CEACAM1: variants seen among roughly 807,000 people sequenced by gnomAD.
CEACAM1 encodes the protein cell adhesion molecule CEACAM1.
A neutral mutation model predicts 49.1 loss-of-function variants in CEACAM1; 31 were observed. The observed-to-expected ratio is 0.63, with a 90% confidence interval of 0.47 to 0.85. CEACAM1 has a LOEUF of 0.85. Among genes scored for constraint, CEACAM1 ranks in the 40% least tolerant of loss-of-function variants. CEACAM1 has a pLI of 0.00. For missense variants in CEACAM1, 570 were observed against 645.3 expected (o/e 0.88, Z 1.26); for synonymous variants, 244 against 247.8 (o/e 0.98, Z 0.14).
intron 4 of CEACAM1, among the ~76,000 whole-genome samples, chr19:42,519,720 C>A (rs925005366): frequency 2.6e-5 from 4 of 152,116 alleles, no homozygotes; most frequent in Admixed American, 1.3e-4. Flanking sequence ...AAGGCATGTG[C>A]CACCATGCCC....
rs1401850188 is a variant in CEACAM1 at position 42,527,625 on chromosome 19, TC to T, written c.65-226del. ...CCTTGTCATTTCTCTGGAATGCCCT[TC>T]CCCAGGGATCCGCATGGCTCCCTCC... On this transcript the variant is annotated intron_variant, in intron 1 of 8. Coordinates refer to ENST00000161559, the MANE Select transcript of CEACAM1 (RefSeq NM_001712.5). 7.1e-6 allele frequency: 4 copies of T among 564,334 alleles called. No individual in the cohort carries two copies. The African/African-American group carries it at 7.5e-5, about 11-fold the overall frequency. 35.0% of individuals were successfully genotyped at this position (564,334 alleles called of 1,614,324 possible). A position where few individuals can be genotyped will look rare whatever the true frequency, so the allele number is the denominator to read the frequency against.
chr19:42,510,951 A>G (rs1172895591), intron 7 of CEACAM1, 31 bp from the exon 8 acceptor site: 2 of 1,611,620 alleles, frequency 1.2e-6, no homozygotes, highest in East Asian at 4.5e-5. Flanking sequence ...TTAGCGATCC[A>G]TGGAAATGCA....
rs745803770 is a variant in CEACAM1 at position 42,527,186 on chromosome 19, G to A, written c.279C>T (p.Pro93=). The part of the protein sequence containing the change: ...AIGTQQATPG[P]ANSGRETIYP... ...ATATTGTCTCTCGACCGCTGTTTGC[G>A]GGCCCTGGGGTAGCTTGTTGAGTTC... The change falls in exon 2 of 9, where the codon CCC becomes CCT. Residue 93 remains proline, a synonymous_variant. Transcript: ENST00000161559. 22 of 1,614,140 alleles carry A rather than the reference G, an allele frequency of 1.4e-5. No individual in the cohort carries two copies. The highest frequency in any genetic ancestry group is 1.8e-5 in the Non-Finnish European group (21 of 1,180,028).
intron 5 of CEACAM1, among the ~76,000 whole-genome samples, chr19:42,517,924 A>G (rs2041638461): frequency 6.6e-6 from 1 of 152,226 alleles, no homozygotes; most frequent in Admixed American, 6.5e-5. Flanking sequence ...GGTGGAAGCA[A>G]CCTAACTGTC....
In CEACAM1 at chr19:42,511,505, A is replaced by C; in HGVS notation, c.1429+71T>G. The C allele has an allele frequency of 2.4e-6, 3 of 1,265,852 alleles. No individual in the cohort carries two copies. The South Asian group carries it at 3.6e-5, about 15-fold the overall frequency. 78.4% of individuals were successfully genotyped at this position (1,265,852 alleles called of 1,614,324 possible). A position where few individuals can be genotyped will look rare whatever the true frequency, so the allele number is the denominator to read the frequency against. ...AAGGGAGGGAGTGGTTTGGGAATCC[A>C]GGATTCCCTGCCAGGGGAGGGCACG... On this transcript the variant is annotated intron_variant, in intron 7 of 8. Transcript: ENST00000161559.
chr19:42,526,933 T>C, intron 2 of CEACAM1, 108 bp downstream of exon 2: 1 of 1,511,936 alleles, frequency 6.6e-7, no homozygotes, highest in African/African-American at 1.4e-5. Context: ...AACCTTAACA[T>C]GGGGTATAAT....
intron 7 of CEACAM1, chr19:42,511,197 G>T: frequency 1.7e-6 from 1 of 576,774 alleles, no homozygotes; most frequent in Non-Finnish European, 3.1e-6. Flanking sequence ...TGCTCCAGTG[G>T]CAAGGAGGGG....
intron 2 of CEACAM1, among the ~76,000 whole-genome samples, chr19:42,523,943 T>C (rs570040938): frequency 6.6e-6 from 1 of 152,244 alleles, no homozygotes; most frequent in East Asian, 1.9e-4. Context: ...TATCTGAGAG[T>C]TCTCAATTGC....
intron 5 of CEACAM1, among the ~76,000 whole-genome samples, chr19:42,513,607 C>T (rs1256655472): frequency 6.6e-6 from 1 of 151,490 alleles, no homozygotes; most frequent in Non-Finnish European, 1.5e-5. Flanking sequence ...AAAAAACAAA[C>T]AAACAAAAAC....
Position 42,512,430 on chromosome 19 carries a change from G to A in CEACAM1, c.1296C>T (p.Gly432=), listed in dbSNP as rs2041481823. Residue 432 remains glycine, a synonymous_variant, in exon 6 of 9, where the codon GGC becomes GGT. Transcript: ENST00000161559. ...ENGLSPGAIA[G]IVIGVVALVA... ...CCAGGGCCACTACTCCAATCACAAT[G>A]CCAGCAATGGCCCCAGGTGAGAGGC... 3.7e-6 allele frequency: 6 copies of A among 1,614,066 alleles called. No homozygotes were observed. Among genetic ancestry groups the A allele is most frequent in the Non-Finnish European group, 5.1e-6 (6 of 1,179,898 alleles).
intron 2 of CEACAM1, among the ~76,000 whole-genome samples, chr19:42,526,411 TG>T (rs1035616044): frequency 5.3e-5 from 8 of 152,304 alleles, no homozygotes; most frequent in Non-Finnish European, 8.8e-5. Context: ...AGTTGGCTGA[TG>T]GCCTGGGGAG....
chr19:42,514,667 T>C (rs1476188843), intron 5 of CEACAM1, among the ~76,000 whole-genome samples: 1 of 152,256 alleles, frequency 6.6e-6, no homozygotes, highest in Non-Finnish European at 1.5e-5. Flanking sequence ...TAGCTACTTT[T>C]GTGGAGTACT....
intron 2 of CEACAM1, among the ~76,000 whole-genome samples, chr19:42,522,937 C>G (rs1408091200): frequency 1.3e-5 from 2 of 152,228 alleles, no homozygotes; most frequent in Non-Finnish European, 2.9e-5. Flanking sequence ...GTGCAATGAT[C>G]TGAGGGCTCA....
intron 2 of CEACAM1, chr19:42,525,539 A>C (rs903668006): frequency 6.6e-6 from 1 of 152,146 alleles, no homozygotes; most frequent in Admixed American, 6.6e-5. Context: ...AGGCCTGAAC[A>C]TTTCTGACAC....
At chr19:42,517,901 A>G (rs2041638170) in intron 5 of CEACAM1, among the ~76,000 whole-genome samples, 10 of 152,224 alleles carry the variant, frequency 6.6e-5, no homozygotes. Context: ...AGCATTATTC[A>G]TAATAGCCAA....
In CEACAM1 at chr19:42,508,308, C is replaced by G. The variant is rs2041377753; in HGVS notation, c.*801G>C. On this transcript the variant is annotated 3_prime_UTR_variant, in exon 9 of 9. Transcript: ENST00000161559. Reference sequence around the variant, plus strand: ...CAAGTTCCTAGCAGATTGTGTTTATCAGAAGCTGGTTCCCTCCTGAAGCTA... The same window carrying G: ...CAAGTTCCTAGCAGATTGTGTTTATGAGAAGCTGGTTCCCTCCTGAAGCTA... The G allele has an allele frequency of 1.3e-5, 2 of 152,254 alleles. No homozygotes were observed. Among genetic ancestry groups the G allele is most frequent in the African/African-American group, 4.8e-5 (2 of 41,462 alleles). The allele number at this position is 152,254 out of a possible 1,614,324, so 9.4% of individuals were successfully genotyped here.
chr19:42,516,938 T>C (rs939809732), intron 5 of CEACAM1: 2 of 377,346 alleles, frequency 5.3e-6, no homozygotes, highest in Non-Finnish European at 1.0e-5. Context: ...ACAAACAAAA[T>C]CCAAAAGCTA....
chr19:42,513,320 C>T (rs928942325), intron 5 of CEACAM1, among the ~76,000 whole-genome samples: 11 of 152,090 alleles, frequency 7.2e-5, no homozygotes, highest in South Asian at 2.1e-4. Context: ...CACTGCAGGC[C>T]GGGCGCGGTG....
At chr19:42,515,564 C>G (rs1055534514) in intron 5 of CEACAM1, among the ~76,000 whole-genome samples, 1 of 151,902 alleles carries the variant, frequency 6.6e-6, no homozygotes, top group Admixed American at 6.6e-5. Context: ...GTTTCAGCTA[C>G]CCAGGAGGCT....
Sources: gnomAD v4.1 joint callset for allele counts (sites outside exome capture counted in the v4.1 genomes callset) on GRCh38, gnomAD v4.1.1 for gene constraint, MANE v1.5 for transcripts, NCBI Gene and HGNC (gene_info 2026-07-23, HGNC 2026-07-21) for gene names.